Variants in PRDM6 observed in about 807,000 individuals in gnomAD.
PRDM6 encodes putative histone-lysine N-methyltransferase PRDM6.
PRDM6 carries 25 observed loss-of-function variants against 60.8 expected under a neutral mutation model. The ratio of observed to expected loss-of-function variants is 0.41; its 90% CI spans 0.30 to 0.57. The LOEUF (loss-of-function observed/expected upper bound fraction) is 0.57, where lower values mean the gene tolerates loss of function less well. Among genes scored for constraint, PRDM6 ranks in the 20% least tolerant of loss-of-function variants. The pLI, the probability that PRDM6 is intolerant of heterozygous loss-of-function variation, is 0.27. For missense variants in PRDM6, 839 were observed against 821.3 expected, an observed-to-expected ratio of 1.02 and a Z score of -0.26; for synonymous variants, 407 against 357.4, an observed-to-expected ratio of 1.14 and a Z score of -1.57.
chr5:123,134,964 A>G (rs1386607760), intron 3 of PRDM6, among the ~76,000 whole-genome samples: 1 of 150,646 alleles, frequency 6.6e-6, no homozygotes, highest in Non-Finnish European at 1.5e-5. Context: ...AGATCTTATC[A>G]AAACAATGCA....
At chr5:123,171,265 T>A (rs1273159830) in intron 6 of PRDM6, among the ~76,000 whole-genome samples, 157 bp downstream of exon 6, 3 of 152,196 alleles carry the variant, frequency 2.0e-5, no homozygotes, top group Admixed American at 6.5e-5. Context: ...CTGCTTGACT[T>A]TCTTGCATAT....
chr5:123,138,014 C>G (rs974361473), intron 3 of PRDM6, among the ~76,000 whole-genome samples: 2 of 101,174 alleles, frequency 2.0e-5, no homozygotes, highest in African/African-American at 7.4e-5. Flanking sequence ...GAAATCCTGC[C>G]TACTCTGGGT....
intron 3 of PRDM6, among the ~76,000 whole-genome samples, chr5:123,140,330 T>C (rs1765069333): frequency 6.6e-6 from 1 of 152,074 alleles, no homozygotes; most frequent in East Asian, 1.9e-4. Context: ...TATATATTTG[T>C]TTGGAAAAAT....
rs1441553673 is a variant in PRDM6, at chr5:123,187,813, G to A, written c.*612G>A. 1.3e-5 allele frequency: 2 copies of A among 152,320 alleles called. No homozygotes were observed. Among genetic ancestry groups the A allele is most frequent in the Non-Finnish European group, 2.9e-5 (2 of 68,080 alleles). The allele number at this position is 152,320 out of a possible 1,614,324, so 9.4% of individuals were successfully genotyped here. A position where few individuals can be genotyped will look rare whatever the true frequency, so the allele number is the denominator to read the frequency against. On this transcript the variant is annotated 3_prime_UTR_variant, in exon 8 of 8. Transcript: ENST00000407847. ...TACACGGTTTCTTCCAAACAGCCCG[G>A]TCTTGATGCAGGAGAGTCTGGAAAA...
chr5:123,186,085 T>C (rs938084642), intron 7 of PRDM6, among the ~76,000 whole-genome samples: 2 of 152,218 alleles, frequency 1.3e-5, no homozygotes, highest in African/African-American at 4.8e-5. Context: ...GCTGGGCCAG[T>C]GCTCTAGGCA....
intron 3 of PRDM6, among the ~76,000 whole-genome samples, chr5:123,150,512 G>A (rs1275359280): frequency 6.6e-6 from 1 of 152,166 alleles, no homozygotes; most frequent in Non-Finnish European, 1.5e-5. Flanking sequence ...GTAAATGGTT[G>A]TAGAGCTGTC....
Position 123,187,778 on chromosome 5 carries a change from A to G in PRDM6, c.*577A>G, listed in dbSNP as rs1166956604. ...TCCATGTCTTCCATGCTCACTGCTCATGCACTTTTTACACGGTTTCTTCCA... is the reference window on the plus strand; with the variant it reads ...TCCATGTCTTCCATGCTCACTGCTCGTGCACTTTTTACACGGTTTCTTCCA... On this transcript the variant is annotated 3_prime_UTR_variant, in exon 8 of 8. Coordinates refer to ENST00000407847, the MANE Select transcript of PRDM6 (RefSeq NM_001136239.4). The G allele has an allele frequency of 5.2e-5, 8 of 152,394 alleles. No individual in the cohort carries two copies. Among genetic ancestry groups the G allele is most frequent in the Admixed American group, 1.3e-4 (2 of 15,322 alleles). The allele number at this position is 152,394 out of a possible 1,614,324, so 9.4% of individuals were successfully genotyped here.
chr5:123,098,143 G>C (rs1313161867), intron 2 of PRDM6, among the ~76,000 whole-genome samples: 7 of 152,236 alleles, frequency 4.6e-5, no homozygotes, highest in African/African-American at 1.7e-4. Context: ...TCATTTCAGC[G>C]CAGATAGGGC....
intron 3 of PRDM6, among the ~76,000 whole-genome samples, chr5:123,106,451 A>G (rs1764199148): frequency 6.6e-6 from 1 of 152,212 alleles, no homozygotes; most frequent in Non-Finnish European, 1.5e-5. Flanking sequence ...GCATTAGACA[A>G]AAAAGAGAGA....
At chr5:123,149,686 T>G (rs437706) in intron 3 of PRDM6, among the ~76,000 whole-genome samples, 1 of 152,238 alleles carries the variant, frequency 6.6e-6, no homozygotes, top group Non-Finnish European at 1.5e-5. Context: ...GAACAGTATT[T>G]ACATTCATAT....
chr5:123,132,476 C>T (rs768152590), intron 3 of PRDM6, among the ~76,000 whole-genome samples: 22 of 152,018 alleles, frequency 1.4e-4, no homozygotes, highest in African/African-American at 3.1e-4. Context: ...TTTCTATAAG[C>T]GCTTTCTAAT....
Position 123,192,165 on chromosome 5 carries a change from A to T in PRDM6, c.*4964A>T, listed in dbSNP as rs914007403. On this transcript the variant is annotated 3_prime_UTR_variant, in exon 8 of 8. Transcript: ENST00000407847. ...CCCACAGAGGTTGATGGGAATGATGATGATTATAAATTATATTGTGCAATT... is the reference window on the plus strand; with the variant it reads ...CCCACAGAGGTTGATGGGAATGATGTTGATTATAAATTATATTGTGCAATT... The T allele has an allele frequency of 1.8e-4, 27 of 152,228 alleles. No individual in the cohort carries two copies. Among genetic ancestry groups the T allele is most frequent in the African/African-American group, 6.3e-4 (26 of 41,466 alleles). 9.4% of individuals were successfully genotyped at this position (152,228 alleles called of 1,614,324 possible).
chr5:123,173,448 T>A (rs1326371407), intron 6 of PRDM6: 1 of 167,002 alleles, frequency 6.0e-6, no homozygotes, highest in Non-Finnish European at 1.5e-5. Context: ...TTGATTCAGA[T>A]GTCCAAGTGT....
At chr5:123,137,329 T>C (rs1201211186) in intron 3 of PRDM6, among the ~76,000 whole-genome samples, 1 of 152,186 alleles carries the variant, frequency 6.6e-6, no homozygotes. Flanking sequence ...TTTTAGGATT[T>C]AAAAATTTTC....
intron 3 of PRDM6, among the ~76,000 whole-genome samples, chr5:123,132,388 C>A (rs772828855): frequency 6.7e-6 from 1 of 149,534 alleles, no homozygotes; most frequent in Non-Finnish European, 1.5e-5. Flanking sequence ...GAAGTAACAG[C>A]AAGTTATGTG....
chr5:123,186,741 G>A (rs149846316), intron 7 of PRDM6, among the ~76,000 whole-genome samples: 1 of 152,358 alleles, frequency 6.6e-6, no homozygotes, highest in East Asian at 1.9e-4. Context: ...TGGGGTTACA[G>A]AGTAGAAAAC....
chr5:123,175,095 C>A (rs1765975270), intron 6 of PRDM6, among the ~76,000 whole-genome samples: 1 of 152,118 alleles, frequency 6.6e-6, no homozygotes, highest in African/African-American at 2.4e-5. Context: ...TGCTTTTGCT[C>A]AGCACTCCCA....
At chr5:123,113,283 T>C (rs1764358893) in intron 3 of PRDM6, among the ~76,000 whole-genome samples, 1 of 152,188 alleles carries the variant, frequency 6.6e-6, no homozygotes, top group Non-Finnish European at 1.5e-5. Flanking sequence ...ATGTAAAAGC[T>C]TTTTTTAAAT....
chr5:123,147,521 A>G (rs1055087297), intron 3 of PRDM6, among the ~76,000 whole-genome samples: 3 of 152,200 alleles, frequency 2.0e-5, no homozygotes, highest in African/African-American at 7.2e-5. Flanking sequence ...AAAAATGGCA[A>G]ACATGTCACA....
Sources: allele counts gnomAD v4.1 joint callset (sites outside exome capture counted in the v4.1 genomes callset), GRCh38; gene constraint gnomAD v4.1.1; transcripts MANE v1.5; gene names NCBI Gene and HGNC (gene_info 2026-07-23, HGNC 2026-07-21).